ATP2B2: variants seen among roughly 807,000 people sequenced by gnomAD.
ATP2B2 encodes the protein plasma membrane calcium-transporting ATPase 2.
ATP2B2 carries 15 observed loss-of-function variants against 120.0 expected under a neutral mutation model. The ratio of observed to expected loss-of-function variants is 0.12; its 90% CI spans 0.08 to 0.19. The LOEUF (loss-of-function observed/expected upper bound fraction) is 0.19, where lower values mean the gene tolerates loss of function less well. Among genes scored for constraint, ATP2B2 ranks in the 10% least tolerant of loss-of-function variants. The probability of loss-of-function intolerance (pLI) is 1.00; values close to 1 mark genes in which losing one functional copy is unlikely to be tolerated. For missense variants in ATP2B2, 1,045 were observed against 1,719.8 expected (o/e 0.61, Z 6.94); for synonymous variants, 694 against 700.3 (o/e 0.99, Z 0.14).
At chr3:10,528,787 C>A (rs1158661341) in intron 3 of ATP2B2, among the ~76,000 whole-genome samples, 1 of 152,240 alleles carries the variant, frequency 6.6e-6, no homozygotes, top group African/African-American at 2.4e-5. Flanking sequence ...CGCTTCCCAG[C>A]CTTTTGCTTT....
chr3:10,678,744 T>A (rs1240722538), intron 1 of ATP2B2, among the ~76,000 whole-genome samples: 2 of 152,192 alleles, frequency 1.3e-5, no homozygotes, highest in African/African-American at 4.8e-5. Flanking sequence ...AAAGTGGGGA[T>A]AATAATAGTA....
At chr3:10,620,922 CT>C (rs1020800586) in intron 1 of ATP2B2, among the ~76,000 whole-genome samples, 1 of 152,192 alleles carries the variant, frequency 6.6e-6, no homozygotes, top group African/African-American at 2.4e-5. Flanking sequence ...GTAGCCCTGC[CT>C]CCCTGTGTCC....
intron 1 of ATP2B2, among the ~76,000 whole-genome samples, chr3:10,465,039 A>G (rs1215152527): frequency 6.6e-6 from 1 of 152,176 alleles, no homozygotes; most frequent in African/African-American, 2.4e-5. Context: ...CCCTTCTCCA[A>G]TCTTGGGCTG....
chr3:10,343,601 T>C lies in ATP2B2; in HGVS notation c.2704-636A>G, dbSNP rs1337258627. On this transcript the variant is annotated intron_variant, in intron 18 of 22. Coordinates refer to ENST00000360273, the MANE Select transcript of ATP2B2 (RefSeq NM_001001331.4). This position sits in a 1 kb window ranked among gnomAD's most constrained non-coding sequence, Gnocchi z 4.2. Reference sequence around the variant, plus strand: ...TGGGAGGGACCCTTTCAGACCTGTCTCTTTGGCTGAGAGGAGCTGGTTCTT... The same window carrying C: ...TGGGAGGGACCCTTTCAGACCTGTCCCTTTGGCTGAGAGGAGCTGGTTCTT... 1.3e-5 allele frequency among the ~76,000 whole-genome samples: 2 copies of C among 152,120 alleles called. No homozygotes were observed. The highest frequency in any genetic ancestry group is 2.9e-5 in the Non-Finnish European group (2 of 68,020).
intron 5 of ATP2B2, among the ~76,000 whole-genome samples, chr3:10,393,081 T>C (rs769935176): frequency 1.5e-4 from 22 of 151,590 alleles, no homozygotes; most frequent in South Asian, 4.2e-4. Context: ...CTGAGAGAGG[T>C]CCCCCTGTGG....
At chr3:10,525,215 C>T (rs2067067257) in intron 3 of ATP2B2, among the ~76,000 whole-genome samples, 1 of 152,208 alleles carries the variant, frequency 6.6e-6, no homozygotes, top group South Asian at 2.1e-4. Context: ...GCACCCCTGA[C>T]ACCCTCATCC....
intron 2 of ATP2B2, among the ~76,000 whole-genome samples, chr3:10,574,697 G>C (rs2068204000): frequency 6.6e-6 from 1 of 152,064 alleles, no homozygotes; most frequent in South Asian, 2.1e-4. Context: ...ATATCTACTT[G>C]GAATGATCTT....
At chr3:10,503,706 T>C (rs1180660434) in intron 1 of ATP2B2, among the ~76,000 whole-genome samples, 1 of 152,254 alleles carries the variant, frequency 6.6e-6, no homozygotes, top group African/African-American at 2.4e-5. Context: ...GCCATGTGCC[T>C]GCCAATGCAC....
At chr3:10,685,564 C>T (rs2071499873) in intron 1 of ATP2B2, among the ~76,000 whole-genome samples, 1 of 151,988 alleles carries the variant, frequency 6.6e-6, no homozygotes, top group African/African-American at 2.4e-5. Flanking sequence ...CTGTGCAGGA[C>T]CACACACTCC....
chr3:10,686,043 C>CTTTTT (rs34073958), intron 1 of ATP2B2, among the ~76,000 whole-genome samples: 1,108 of 92,932 alleles, frequency 0.012, no homozygotes, highest in African/African-American at 0.021. Flanking sequence ...TTCCTCCTTT[C>CTTTTT]TTTTTTTTTT....
rs371326358 is a variant in ATP2B2 at position 10,482,681 on chromosome 3, C to T, written c.-320+22784G>A. Reference sequence around the variant, plus strand: ...GTGCCAGGTCTCCCCCCTGAGGCCTCGCCAGTCACAGCTGCCTTCTCAGCT... The same window carrying T: ...GTGCCAGGTCTCCCCCCTGAGGCCTTGCCAGTCACAGCTGCCTTCTCAGCT... On this transcript the variant is annotated intron_variant, in intron 1 of 22. Transcript: ENST00000360273. 1.1e-3 allele frequency among the ~76,000 whole-genome samples: 171 copies of T among 152,314 alleles called. 8 individuals carry two copies. The South Asian group carries it at 0.033, about 29-fold the overall frequency.
intron 2 of ATP2B2, among the ~76,000 whole-genome samples, chr3:10,599,804 G>A (rs1254442754): frequency 8.5e-6 from 1 of 118,124 alleles, no homozygotes; most frequent in East Asian, 2.9e-4. Flanking sequence ...TTCTATAAGG[G>A]GGTGGGGGGT....
chr3:10,337,655 T>C (rs2060157338), intron 22 of ATP2B2, among the ~76,000 whole-genome samples: 1 of 152,110 alleles, frequency 6.6e-6, no homozygotes, highest in African/African-American at 2.4e-5. Flanking sequence ...CTGTGTGTGC[T>C]TGAGGATGAC....
chr3:10,573,524 C>T (rs1011940295), intron 2 of ATP2B2, among the ~76,000 whole-genome samples: 4 of 152,158 alleles, frequency 2.6e-5, no homozygotes, highest in African/African-American at 9.7e-5. Flanking sequence ...AAATTTTGGT[C>T]AATTTCAGAT....
intron 2 of ATP2B2, among the ~76,000 whole-genome samples, chr3:10,609,898 C>T (rs143551891): frequency 2.4e-4 from 37 of 152,158 alleles, no homozygotes; most frequent in African/African-American, 8.9e-4. Context: ...CTCCCTCTCT[C>T]CCATCCTCGG....
chr3:10,403,439 C>A (rs2062297758), intron 3 of ATP2B2, among the ~76,000 whole-genome samples: 1 of 152,266 alleles, frequency 6.6e-6, no homozygotes, highest in African/African-American at 2.4e-5. Flanking sequence ...CACATCTGAT[C>A]TGAAGGCATC....
Position 10,463,195 on chromosome 3 carries a change from C to T in ATP2B2, c.-319-13333G>A, listed in dbSNP as rs144350681. Among the ~76,000 whole-genome samples, 82 of 152,286 alleles carry T rather than the reference C, an allele frequency of 5.4e-4. 2 individuals carry two copies. The East Asian group carries it at 0.013, about 24-fold the overall frequency. Reference sequence around the variant, plus strand: ...CACTCCTTAAATCCATACTTTGACCCTCCACCCACTGCCTTGGGGTGGGTT... The same window carrying T: ...CACTCCTTAAATCCATACTTTGACCTTCCACCCACTGCCTTGGGGTGGGTT... On this transcript the variant is annotated intron_variant, in intron 1 of 22. Coordinates refer to ENST00000360273, the MANE Select transcript of ATP2B2 (RefSeq NM_001001331.4).
intron 1 of ATP2B2, among the ~76,000 whole-genome samples, chr3:10,668,557 T>C (rs1198586940): frequency 2.0e-5 from 3 of 151,972 alleles, no homozygotes; most frequent in African/African-American, 7.2e-5. Flanking sequence ...TCCCACAAGA[T>C]TCTTTCCCAG....
intron 1 of ATP2B2, among the ~76,000 whole-genome samples, chr3:10,480,465 C>G (rs1388422740): frequency 6.6e-6 from 1 of 152,156 alleles, no homozygotes; most frequent in East Asian, 1.9e-4. Flanking sequence ...GGACACATCC[C>G]CAGAATGGTA....
Sources: allele counts gnomAD v4.1 joint callset (sites outside exome capture counted in the v4.1 genomes callset), GRCh38; gene constraint gnomAD v4.1.1; non-coding constraint Gnocchi (gnomAD v3.1); transcripts MANE v1.5; gene names NCBI Gene and HGNC (gene_info 2026-07-23, HGNC 2026-07-21).